Variants in SHB observed in about 807,000 individuals in gnomAD.
The protein encoded by SHB is SH2 domain-containing adapter protein B.
SHB carries 20 observed loss-of-function variants against 52.3 expected under a neutral mutation model. That is an observed-to-expected ratio of 0.38 (90% CI 0.27 to 0.56). SHB has a LOEUF of 0.56. Among genes scored for constraint, SHB ranks in the 20% least tolerant of loss-of-function variants. The probability of loss-of-function intolerance (pLI) is 0.71; values close to 1 mark genes in which losing one functional copy is unlikely to be tolerated. For missense variants in SHB, 825 were observed against 723.3 expected (o/e 1.14, Z -1.61); for synonymous variants, 397 against 316.5 (o/e 1.25, Z -2.70).
chr9:38,013,062 A>G (rs1293181162), intron 2 of SHB, among the ~76,000 whole-genome samples: 2 of 151,944 alleles, frequency 1.3e-5, no homozygotes, highest in East Asian at 3.9e-4. Flanking sequence ...TTACACACAA[A>G]TAATTTTGAG....
intron 4 of SHB, among the ~76,000 whole-genome samples, chr9:37,949,879 C>T (rs546016810): frequency 1.9e-4 from 29 of 152,268 alleles, no homozygotes; most frequent in African/African-American, 6.0e-4. Flanking sequence ...GGAGGAGTGC[C>T]GTGCAGAGGG....
chr9:38,042,197 G>A (rs971424187), intron 1 of SHB, among the ~76,000 whole-genome samples: 12 of 152,162 alleles, frequency 7.9e-5, no homozygotes, highest in Non-Finnish European at 1.5e-4. Flanking sequence ...TCAGGGTAAC[G>A]AAAATACCTA....
chr9:37,965,213 C>G (rs1197707714), intron 3 of SHB, among the ~76,000 whole-genome samples: 1 of 152,160 alleles, frequency 6.6e-6, no homozygotes, highest in Non-Finnish European at 1.5e-5. Flanking sequence ...GAGTGGAGGT[C>G]GGGGGGACAA....
chr9:37,959,828 C>T (rs1751978503), intron 3 of SHB, among the ~76,000 whole-genome samples: 3 of 126,548 alleles, frequency 2.4e-5, no homozygotes, highest in Non-Finnish European at 4.9e-5. Context: ...TCTTAGCACC[C>T]TAACTGCATG....
intron 5 of SHB, among the ~76,000 whole-genome samples, chr9:37,924,374 C>T (rs2118459803): frequency 6.6e-6 from 1 of 152,322 alleles, no homozygotes; most frequent in East Asian, 1.9e-4. Context: ...GCTTTTAGAC[C>T]TAATTGCTTG....
chr9:37,971,225 A>C (rs1318605189), intron 3 of SHB, among the ~76,000 whole-genome samples: 1 of 152,244 alleles, frequency 6.6e-6, no homozygotes, highest in Non-Finnish European at 1.5e-5. Context: ...ACACACATGC[A>C]GATGGATGTA....
At chr9:37,977,379 C>T (rs1187168778) in intron 2 of SHB, among the ~76,000 whole-genome samples, 2 of 152,094 alleles carry the variant, frequency 1.3e-5, no homozygotes, top group African/African-American at 4.8e-5. Context: ...TATGAATAAT[C>T]TTCTCTCCCT....
chr9:37,948,836 C>T (rs1286631946), intron 4 of SHB, 82 bp from the exon 5 acceptor site: 30 of 1,552,918 alleles, frequency 1.9e-5, no homozygotes, highest in African/African-American at 8.1e-5. Flanking sequence ...ACTCAGCACC[C>T]GCAGAGAGCC....
chr9:37,985,259 C>T (rs1820790562), intron 2 of SHB, among the ~76,000 whole-genome samples: 1 of 152,228 alleles, frequency 6.6e-6, no homozygotes, highest in Non-Finnish European at 1.5e-5. Context: ...GTCAGGGTGC[C>T]TGGGTTTGCT....
intron 1 of SHB, among the ~76,000 whole-genome samples, chr9:38,055,896 G>A (rs1007283101): frequency 3.3e-5 from 5 of 151,950 alleles, no homozygotes; most frequent in African/African-American, 9.7e-5. Flanking sequence ...CTCCACCAGA[G>A]GCAAGACAAG....
chr9:37,999,857 C>T (rs1820991191), intron 2 of SHB, among the ~76,000 whole-genome samples: 1 of 152,228 alleles, frequency 6.6e-6, no homozygotes, highest in South Asian at 2.1e-4. Flanking sequence ...AACCGGCTGT[C>T]GGAGGAGCTG....
chr9:38,050,686 G>T (rs1198816549), intron 1 of SHB, among the ~76,000 whole-genome samples: 2 of 152,178 alleles, frequency 1.3e-5, no homozygotes, highest in Non-Finnish European at 2.9e-5. Context: ...TTTACTTTCA[G>T]AGTAAGAAAT....
intron 1 of SHB, among the ~76,000 whole-genome samples, chr9:38,020,696 T>A (rs1034000652): frequency 6.6e-6 from 1 of 152,014 alleles, no homozygotes; most frequent in African/African-American, 2.4e-5. Context: ...ATCTCACAAA[T>A]CACCACTAAA....
At chr9:38,028,825 G>T (rs1821377653) in intron 1 of SHB, among the ~76,000 whole-genome samples, 1 of 152,182 alleles carries the variant, frequency 6.6e-6, no homozygotes, top group African/African-American at 2.4e-5. Flanking sequence ...TATATCCATA[G>T]AAAAAGGACC....
At position 37,918,612 on chromosome 9, in the gene SHB, G is replaced by A. The variant is rs1251615970; in HGVS notation, c.*1209C>T. Among the ~76,000 whole-genome samples the A allele has an allele frequency of 7.2e-5, 11 of 152,178 alleles. No individual in the cohort carries two copies. Among genetic ancestry groups the A allele is most frequent in the Non-Finnish European group, 1.5e-5 (1 of 68,040 alleles). On this transcript the variant is annotated 3_prime_UTR_variant, in exon 6 of 6. Transcript: ENST00000377707. The stretch of plus-strand genomic sequence containing the variant: ...CCTCCATGGGCAGGGTGACAGCAAG[G>A]CCATGCAGAACCAACGAAAGAGCAT...
intron 1 of SHB, among the ~76,000 whole-genome samples, chr9:38,019,032 G>A (rs1000661578): frequency 3.3e-5 from 5 of 152,222 alleles, no homozygotes; most frequent in African/African-American, 1.2e-4. Context: ...AGCCAGCCGG[G>A]ACTCCTCTGC....
At chr9:38,035,288 TG>T (rs146318060) in intron 1 of SHB, among the ~76,000 whole-genome samples, 1 of 151,676 alleles carries the variant, frequency 6.6e-6, no homozygotes, top group African/African-American at 2.4e-5. Context: ...ACAGAGTATT[TG>T]GGGAGGTAGT....
intron 3 of SHB, among the ~76,000 whole-genome samples, chr9:37,971,173 C>A (rs1027683242): frequency 6.6e-6 from 1 of 152,178 alleles, no homozygotes; most frequent in Non-Finnish European, 1.5e-5. Context: ...ACCACACCAA[C>A]GACTCGCTCA....
chr9:37,989,860 C>T (rs1215464664), intron 2 of SHB, among the ~76,000 whole-genome samples: 1 of 152,178 alleles, frequency 6.6e-6, no homozygotes, highest in Non-Finnish European at 1.5e-5. Flanking sequence ...GAGCCAGGAA[C>T]CTGAAAGTTG....
Sources: gnomAD v4.1 joint callset for allele counts (sites outside exome capture counted in the v4.1 genomes callset) on GRCh38, gnomAD v4.1.1 for gene constraint, MANE v1.5 for transcripts, NCBI Gene and HGNC (gene_info 2026-07-23, HGNC 2026-07-21) for gene names.